PEPD: variants seen among roughly 807,000 people sequenced by gnomAD.
The protein encoded by PEPD is xaa-Pro dipeptidase.
A neutral mutation model predicts 60.7 loss-of-function variants in PEPD; 53 were observed. The ratio of observed to expected loss-of-function variants is 0.87; its 90% CI spans 0.70 to 1.10. The LOEUF is 1.10. Ranked by LOEUF, PEPD falls within the 50% of genes least tolerant of loss-of-function variation. The pLI is 0.00. For synonymous variants in PEPD, 267 were observed against 284.1 expected (o/e 0.94, Z 0.60); for missense variants, 711 against 711.9 (o/e 1.00, Z 0.01).
intron 9 of PEPD, among the ~76,000 whole-genome samples, chr19:33,451,478 A>T (rs1301156125): frequency 4.6e-5 from 7 of 152,214 alleles, no homozygotes; most frequent in African/African-American, 1.7e-4. Flanking sequence ...AAGTGAGCAA[A>T]GGAAATTTCA....
At chr19:33,521,234 T>C (rs1254312645) in intron 1 of PEPD, among the ~76,000 whole-genome samples, 2 of 152,206 alleles carry the variant, frequency 1.3e-5, no homozygotes, top group Non-Finnish European at 2.9e-5. Flanking sequence ...CAATGCTCTA[T>C]ATAGTTTATC....
chr19:33,405,057 C>T (rs545699840), intron 11 of PEPD, among the ~76,000 whole-genome samples: 3 of 152,336 alleles, frequency 2.0e-5, no homozygotes, highest in Non-Finnish European at 4.4e-5. Flanking sequence ...CATCTTTGGC[C>T]GAGTGAGTCG....
At chr19:33,471,280 G>A (rs1450189949) in intron 7 of PEPD, among the ~76,000 whole-genome samples, 1 of 152,162 alleles carries the variant, frequency 6.6e-6, no homozygotes, top group Admixed American at 6.5e-5. Flanking sequence ...GGCACTCTGG[G>A]CCTGAAGTCT....
chr19:33,394,361 TC>T (rs1282217501), intron 12 of PEPD, among the ~76,000 whole-genome samples: 1 of 152,020 alleles, frequency 6.6e-6, no homozygotes, highest in Non-Finnish European at 1.5e-5. Context: ...CGGTGGCCCT[TC>T]CCGGGGGCAG....
intron 6 of PEPD, among the ~76,000 whole-genome samples, chr19:33,485,220 G>A (rs769824233): frequency 1.7e-4 from 26 of 151,924 alleles, no homozygotes; most frequent in Admixed American, 3.9e-4. Context: ...CTGGCTGGGC[G>A]CGCTGACTCA....
intron 9 of PEPD, among the ~76,000 whole-genome samples, chr19:33,431,992 C>CAAAAAAAAAAAA (rs906879187): frequency 0.019 from 1,493 of 77,476 alleles, 58 homozygotes; most frequent in African/African-American, 0.027. Context: ...GACACCACCT[C>CAAAAAAAAAAAA]AAAAAAAAAA....
At chr19:33,508,141 C>T (rs911145552) in intron 3 of PEPD, among the ~76,000 whole-genome samples, 4 of 152,164 alleles carry the variant, frequency 2.6e-5, no homozygotes, top group African/African-American at 9.6e-5. Context: ...ACAGAGGAGG[C>T]ATCCGACCTG....
intron 6 of PEPD, among the ~76,000 whole-genome samples, chr19:33,482,027 A>G (rs1174467524): frequency 2.7e-5 from 4 of 149,210 alleles, no homozygotes; most frequent in Non-Finnish European, 5.9e-5. Context: ...CAAAACAAAC[A>G]AATAAACAAC....
chr19:33,521,765 G>T lies in PEPD; in HGVS notation c.-5C>A. 5 of 1,576,302 alleles carry T rather than the reference G, an allele frequency of 3.2e-6. No individual in the cohort carries two copies. The highest frequency in any genetic ancestry group is 3.4e-6 in the Non-Finnish European group (4 of 1,166,368). On this transcript the variant is annotated 5_prime_UTR_variant, in exon 1 of 15. Transcript: ENST00000244137. The stretch of plus-strand genomic sequence containing the variant: ...TCACCCGGTGGCCGCCGCCATGTTC[G>T]CCCGGCACCGGCGTCACGTGAAGTG...
intron 9 of PEPD, among the ~76,000 whole-genome samples, chr19:33,448,883 T>G (rs1363119057): frequency 6.6e-6 from 1 of 152,242 alleles, no homozygotes; most frequent in Non-Finnish European, 1.5e-5. Context: ...TTAAAATACC[T>G]ATTGCCTGGG....
At chr19:33,488,117 C>G (rs1970431063) in intron 6 of PEPD, among the ~76,000 whole-genome samples, 1 of 152,124 alleles carries the variant, frequency 6.6e-6, no homozygotes, top group Non-Finnish European at 1.5e-5. Context: ...AAGCAAAGCT[C>G]TCACCGCTGA....
At chr19:33,511,421 C>G in intron 2 of PEPD, 2 of 454,590 alleles carry the variant, frequency 4.4e-6, no homozygotes, top group Admixed American at 3.1e-5. Flanking sequence ...CACCTGTATC[C>G]CCACCCCCGG....
intron 5 of PEPD, among the ~76,000 whole-genome samples, chr19:33,492,893 T>C (rs538401106): frequency 1.3e-5 from 2 of 152,300 alleles, no homozygotes; most frequent in African/African-American, 4.8e-5. Context: ...TTTTTCTTTT[T>C]TTGAGACAGG....
intron 12 of PEPD, among the ~76,000 whole-genome samples, chr19:33,396,401 G>A (rs1968363023): frequency 6.6e-6 from 1 of 152,154 alleles, no homozygotes; most frequent in Non-Finnish European, 1.5e-5. Context: ...CAGCCACCTG[G>A]TCATCCCGCG....
intron 12 of PEPD, among the ~76,000 whole-genome samples, chr19:33,400,409 TG>T (rs1299425823): frequency 6.6e-6 from 1 of 152,234 alleles, no homozygotes; most frequent in Non-Finnish European, 1.5e-5. Flanking sequence ...TGTGAATTTG[TG>T]GCAGCCCCAA....
At chr19:33,429,623 A>G (rs1264582156) in intron 9 of PEPD, among the ~76,000 whole-genome samples, 1 of 152,270 alleles carries the variant, frequency 6.6e-6, no homozygotes, top group Non-Finnish European at 1.5e-5. Flanking sequence ...CATGCTGATA[A>G]CTGGATTATA....
In PEPD at chr19:33,502,519, C is replaced by T. The variant is rs1353916483; in HGVS notation, c.330-1518G>A. On this transcript the variant is annotated intron_variant, in intron 3 of 14. Transcript: ENST00000244137. ...CAGAGGCTGCTCCCTTTGCAAACCC[C>T]CCCTTTTTTTTGAGGCAGATGGGAA... Among the ~76,000 whole-genome samples, 5 of 152,136 alleles carry T rather than the reference C, an allele frequency of 3.3e-5. No homozygotes were observed. In the East Asian group the frequency reaches 9.7e-4, roughly 29 times the overall value.
intron 7 of PEPD, among the ~76,000 whole-genome samples, chr19:33,466,535 A>G (rs183168006): frequency 0.012 from 1,785 of 152,338 alleles, 27 homozygotes; most frequent in South Asian, 0.071. Context: ...CAAGCTAACC[A>G]CCAACACAAG....
At position 33,387,424 on chromosome 19, in the gene PEPD, C is replaced by T. The variant is rs762921626; in HGVS notation, c.1402G>A (p.Val468Met). The change falls in exon 15 of 15, where the codon GTG becomes ATG. Residue 468 changes from valine to methionine, a missense_variant. Transcript: ENST00000244137. ...TCAATCTCTTCCACAGTGCGGGGCA[C>T]GCAGGTCAGCAGCTCTATGCCGCTG... The part of the protein sequence containing the change: ...TDSGIELLTC[V>M]PRTVEEIEAC... 6.2e-6 allele frequency: 10 copies of T among 1,614,026 alleles called. No homozygotes were observed. Among genetic ancestry groups the T allele is most frequent in the East Asian group, 2.2e-5 (1 of 44,876 alleles).
Sources: gnomAD v4.1 joint callset for allele counts (sites outside exome capture counted in the v4.1 genomes callset) on GRCh38, gnomAD v4.1.1 for gene constraint, MANE v1.5 for transcripts, NCBI Gene and HGNC (gene_info 2026-07-23, HGNC 2026-07-21) for gene names.